PPFIBP1: variants seen among roughly 807,000 people sequenced by gnomAD.
The protein encoded by PPFIBP1 is PPFIB scaffold protein 1.
PPFIBP1 carries 112 observed loss-of-function variants against 137.8 expected under a neutral mutation model. The observed-to-expected ratio is 0.81, with a 90% CI of 0.70 to 0.95. PPFIBP1 has a LOEUF of 0.95. Ranked by LOEUF, PPFIBP1 falls within the 40% of genes least tolerant of loss-of-function variation. The pLI, the probability that PPFIBP1 is intolerant of heterozygous loss-of-function variation, is 0.00. For synonymous variants in PPFIBP1, 378 were observed against 417.3 expected (o/e 0.91, Z 1.15); for missense variants, 1,083 against 1,196.6 (o/e 0.91, Z 1.40).
rs138023408 is a variant in PPFIBP1, at chr12:27,581,511, T to C, written c.-36+3272T>C. Among the ~76,000 whole-genome samples, 420 of 152,322 alleles carry C rather than the reference T, an allele frequency of 2.8e-3. 2 individuals are homozygous for C. The highest frequency in any genetic ancestry group is 9.7e-3 in the African/African-American group (404 of 41,586). On this transcript the variant is annotated intron_variant, in intron 2 of 29. Coordinates refer to ENST00000228425, the MANE Select transcript of PPFIBP1 (RefSeq NM_003622.4). ...ACCCTGTAGTGTAGTGGTTTGTAAG[T>C]AGGCAATTTGTAGCCACTGAGATAA...
At chr12:27,651,558 C>G (rs935146191) in intron 7 of PPFIBP1, among the ~76,000 whole-genome samples, 1 of 152,102 alleles carries the variant, frequency 6.6e-6, no homozygotes, top group African/African-American at 2.4e-5. Flanking sequence ...TGATATTTTC[C>G]TCTTTCCCCT....
At chr12:27,649,155 C>T (rs1014388104) in intron 6 of PPFIBP1, among the ~76,000 whole-genome samples, 62 of 152,254 alleles carry the variant, frequency 4.1e-4, no homozygotes, top group Admixed American at 3.7e-3. Context: ...AAATATCTAA[C>T]ATATAGGAGA....
chr12:27,603,038 T>C (rs925085917), intron 2 of PPFIBP1, among the ~76,000 whole-genome samples: 2 of 152,250 alleles, frequency 1.3e-5, no homozygotes, highest in African/African-American at 4.8e-5. Context: ...TATTTTATAA[T>C]GTCAAGGCTC....
chr12:27,628,404 C>G (rs1429702858), intron 2 of PPFIBP1, among the ~76,000 whole-genome samples: 2 of 152,182 alleles, frequency 1.3e-5, no homozygotes, highest in Non-Finnish European at 2.9e-5. Flanking sequence ...GTCTCAAACT[C>G]CTGGGCTCTA....
At chr12:27,654,671 G>T (rs773459153) in intron 7 of PPFIBP1, 51 bp from the exon 8 acceptor site, 4 of 1,585,900 alleles carry the variant, frequency 2.5e-6, no homozygotes, top group Non-Finnish European at 3.4e-6. Context: ...ATAGGTATAG[G>T]TAACTGTGTT....
intron 1 of PPFIBP1, among the ~76,000 whole-genome samples, chr12:27,558,978 C>G (rs1392528593): frequency 2.6e-5 from 4 of 151,658 alleles, no homozygotes; most frequent in Non-Finnish European, 5.9e-5. Context: ...TCTCAGCCTC[C>G]CAACTCTAAT....
intron 4 of PPFIBP1, among the ~76,000 whole-genome samples, chr12:27,639,471 G>A (rs1172019435): frequency 6.6e-6 from 1 of 152,214 alleles, no homozygotes; most frequent in South Asian, 2.1e-4. Context: ...TGAGGATCAT[G>A]ACCTTGATCC....
At chr12:27,608,933 T>C in intron 2 of PPFIBP1, 1 of 190,264 alleles carries the variant, frequency 5.3e-6, no homozygotes. Flanking sequence ...TCCTGCTGCC[T>C]TTTTGGGCTT....
chr12:27,592,148 C>T (rs2052596059), intron 2 of PPFIBP1, among the ~76,000 whole-genome samples: 1 of 152,192 alleles, frequency 6.6e-6, no homozygotes, highest in Admixed American at 6.5e-5. Context: ...CAGGGGGTGT[C>T]CTCACACGGG....
intron 1 of PPFIBP1, among the ~76,000 whole-genome samples, chr12:27,570,769 C>T (rs896634958): frequency 1.6e-4 from 25 of 151,764 alleles, no homozygotes; most frequent in African/African-American, 3.6e-4. Flanking sequence ...AAAAATTAGC[C>T]GGTTGTGGTG....
chr12:27,692,606 G>A lies in PPFIBP1; in HGVS notation c.2881G>A (p.Gly961Arg), dbSNP rs750591502. The change falls in exon 29 of 30, where the codon GGG (glycine) becomes AGG (arginine). Residue 961 changes from glycine to arginine, a missense_variant. Transcript: ENST00000228425. ...DRLEQMEDSE[G>R]TVRQIGAFSE... ...TTATTTGCAGATGGAAGATTCAGAA[G>A]GGACAGTGAGACAGATAGGTGCATT... 6 of 1,613,854 alleles carry A rather than the reference G, an allele frequency of 3.7e-6. No homozygotes were observed. The Admixed American group carries it at 8.3e-5, about 22-fold the overall frequency.
intron 1 of PPFIBP1, chr12:27,549,192 A>G (rs572103666): frequency 6.6e-6 from 1 of 152,056 alleles, no homozygotes; most frequent in South Asian, 2.1e-4. Context: ...GGAAAGGCTA[A>G]AGGTGAGACT....
chr12:27,687,822 C>T (rs959103293), intron 25 of PPFIBP1, among the ~76,000 whole-genome samples: 3 of 152,118 alleles, frequency 2.0e-5, no homozygotes. Context: ...GTGGCCAATG[C>T]CTATAATCCC....
intron 4 of PPFIBP1, among the ~76,000 whole-genome samples, chr12:27,637,718 C>T (rs1034749866): frequency 8.5e-5 from 13 of 152,098 alleles, no homozygotes; most frequent in Admixed American, 2.6e-4. Context: ...TTTGGAACCA[C>T]AAAAGCATAG....
intron 2 of PPFIBP1, among the ~76,000 whole-genome samples, chr12:27,585,532 G>A (rs2051633069): frequency 6.6e-6 from 1 of 152,196 alleles, no homozygotes; most frequent in Non-Finnish European, 1.5e-5. Context: ...TATTTATCAT[G>A]GAGCTACTGT....
At chr12:27,561,376 C>A (rs1393128558) in intron 1 of PPFIBP1, among the ~76,000 whole-genome samples, 1 of 152,104 alleles carries the variant, frequency 6.6e-6, no homozygotes, top group Non-Finnish European at 1.5e-5. Flanking sequence ...TGCTTCTAGT[C>A]CAGTAAAGGA....
chr12:27,608,956 A>T (rs11049067), intron 2 of PPFIBP1: 29,528 of 191,404 alleles, frequency 0.15, 3,122 homozygotes, highest in Admixed American at 0.3. Context: ...TTTCGCTTTG[A>T]AGGAGCAGGT....
At chr12:27,686,419 A>G (rs977786845) in intron 24 of PPFIBP1, among the ~76,000 whole-genome samples, 1 of 152,142 alleles carries the variant, frequency 6.6e-6, no homozygotes, top group Non-Finnish European at 1.5e-5. Context: ...TGTGTTTGGT[A>G]TATTTGAAAA....
In PPFIBP1 at chr12:27,688,384, G is replaced by C; in HGVS notation, c.2457G>C (p.Ala819=). ...WLRSVDLAEY[A]PNLRGSGVHG... ...GCTCCGTGGACTTGGCAGAATATGC[G>C]CCCAATCTCAGAGGCAGTGGTGTCC... Residue 819 remains alanine, a synonymous_variant, in exon 26 of 30, where the codon GCG becomes GCC. Transcript: ENST00000228425. 1 of 1,614,088 alleles carries C rather than the reference G, an allele frequency of 6.2e-7. No homozygotes were observed. The highest frequency in any genetic ancestry group is 1.3e-5 in the African/African-American group (1 of 75,028).
Sources: allele counts gnomAD v4.1 joint callset (sites outside exome capture counted in the v4.1 genomes callset), GRCh38; gene constraint gnomAD v4.1.1; transcripts MANE v1.5; gene names NCBI Gene and HGNC (gene_info 2026-07-23, HGNC 2026-07-21).